The following KDM1A variants were observed in gnomAD, a reference collection of about 807,000 sequenced individuals.
The protein encoded by KDM1A is lysine demethylase 1A.
In KDM1A, 49 loss-of-function variants were observed where a neutral mutation model predicts 109.4. That is an observed-to-expected ratio of 0.45 (90% CI 0.36 to 0.57). The LOEUF (loss-of-function observed/expected upper bound fraction) is 0.57. Among genes scored for constraint, KDM1A ranks in the 20% least tolerant of loss-of-function variants. KDM1A has a pLI of 0.00. For missense variants in KDM1A, 668 were observed against 1,116.6 expected (o/e 0.60, Z 5.73); for synonymous variants, 380 against 415.4 (o/e 0.91, Z 1.04).
chr1:23,082,001 C>CGT, intron 19 of KDM1A: 1 of 509,656 alleles, frequency 2.0e-6, no homozygotes, highest in Non-Finnish European at 3.5e-6. Context: ...TCTCTGGATT[C>CGT]ATAGACAGGA....
chr1:23,021,492 G>A (rs1009862571), intron 1 of KDM1A, among the ~76,000 whole-genome samples: 1 of 152,000 alleles, frequency 6.6e-6, no homozygotes, highest in Non-Finnish European at 1.5e-5. Context: ...TGAAACCCCC[G>A]TCTCTACTAA....
chr1:23,078,331 G>A (rs1643525070), intron 16 of KDM1A, among the ~76,000 whole-genome samples: 1 of 152,134 alleles, frequency 6.6e-6, no homozygotes, highest in Non-Finnish European at 1.5e-5. Context: ...CATAGAAAAT[G>A]AGCATGTACT....
intron 7 of KDM1A, 141 bp from the exon 8 acceptor site, chr1:23,057,343 C>T: frequency 1.6e-6 from 1 of 635,170 alleles, no homozygotes; most frequent in African/African-American, 1.8e-5. Flanking sequence ...TTCTTTGTGC[C>T]CATAGTACTG....
At chr1:23,020,048 C>T in intron 1 of KDM1A, 101 bp downstream of exon 1, 1 of 1,225,046 alleles carries the variant, frequency 8.2e-7, no homozygotes, top group Non-Finnish European at 1.1e-6. Context: ...GCCCTGCGAC[C>T]ACTCAGACCT....
chr1:23,028,427 G>A (rs1047730720), intron 1 of KDM1A, among the ~76,000 whole-genome samples: 1 of 152,192 alleles, frequency 6.6e-6, no homozygotes, highest in African/African-American at 2.4e-5. Flanking sequence ...CTCCTTCAAA[G>A]GGCATAGTAT....
Position 23,083,408 on chromosome 1 carries a change from C to A in KDM1A, c.*44C>A. ...GAAGAGGCCCATGTGCCTGTTTCTG[C>A]CATGTAAGGAAGGCTCTTCTAGCAA... On this transcript the variant is annotated 3_prime_UTR_variant, in exon 21 of 21. Transcript: ENST00000400181. The A allele has an allele frequency of 6.4e-7, 1 of 1,557,428 alleles. No homozygotes were observed. The highest frequency in any genetic ancestry group is 8.7e-7 in the Non-Finnish European group (1 of 1,145,616).
rs925678825 is a variant in KDM1A at position 23,079,802 on chromosome 1, T to A, written c.2170+135T>A. Reference sequence around the variant, plus strand: ...AACAAACAATTCCTGAAATACCTTCTAGGTACTGGGGTATAAAAATACCTG... The same window carrying A: ...AACAAACAATTCCTGAAATACCTTCAAGGTACTGGGGTATAAAAATACCTG... On this transcript the variant is annotated intron_variant, in intron 18 of 20. Coordinates refer to ENST00000400181, the MANE Select transcript of KDM1A (RefSeq NM_001009999.3). This position sits in a 1 kb window ranked among gnomAD's most constrained non-coding sequence, Gnocchi z 5.6. 7 of 533,652 alleles carry A rather than the reference T, an allele frequency of 1.3e-5. No homozygotes were observed. Among genetic ancestry groups the A allele is most frequent in the African/African-American group, 1.2e-4 (6 of 51,054 alleles). The allele number at this position is 533,652 out of a possible 1,614,324, so 33.1% of individuals were successfully genotyped here.
chr1:23,028,688 C>T (rs1641885830), intron 1 of KDM1A, among the ~76,000 whole-genome samples: 1 of 152,092 alleles, frequency 6.6e-6, no homozygotes, highest in African/African-American at 2.4e-5. Flanking sequence ...TGACTTCTCT[C>T]CCCCTTTGAA....
chr1:23,035,629 T>A (rs1218838233), intron 2 of KDM1A, among the ~76,000 whole-genome samples: 1 of 152,200 alleles, frequency 6.6e-6, no homozygotes, highest in Non-Finnish European at 1.5e-5. Flanking sequence ...AAATATTTTT[T>A]AAATTTACCT....
Position 23,050,426 on chromosome 1 carries a change from A to C in KDM1A, c.617A>C (p.Asp206Ala). 1 of 1,613,600 alleles carries C rather than the reference A, an allele frequency of 6.2e-7. No individual in the cohort carries two copies. Among genetic ancestry groups the C allele is most frequent in the Non-Finnish European group, 8.5e-7 (1 of 1,179,740 alleles). The stretch of plus-strand genomic sequence containing the variant: ...GCTTTCCAGAGCCGACTTCCTCATG[A>C]CCGGATGACTTCTCAAGAAGCAGCC... ...GAAFQSRLPH[D>A]RMTSQEAACF... Residue 206 changes from aspartate (D) to alanine (A), a missense_variant, in exon 4 of 21, where the codon GAC (aspartate) becomes GCC (alanine). Asp to Ala is a moderately radical substitution (Grantham distance 126). Transcript: ENST00000400181.
chr1:23,024,371 G>A (rs1421685566), intron 1 of KDM1A, among the ~76,000 whole-genome samples: 1 of 152,198 alleles, frequency 6.6e-6, no homozygotes, highest in African/African-American at 2.4e-5. Flanking sequence ...TAAAAAGCAA[G>A]CTGAGGCCAG....
chr1:23,069,620 C>T (rs1477949235), intron 12 of KDM1A, among the ~76,000 whole-genome samples: 1 of 152,218 alleles, frequency 6.6e-6, no homozygotes, highest in Non-Finnish European at 1.5e-5. Context: ...TATTCTAAAG[C>T]TATCCCAGTG....
intron 1 of KDM1A, among the ~76,000 whole-genome samples, chr1:23,024,674 C>G (rs1469985577): frequency 6.6e-6 from 1 of 152,152 alleles, no homozygotes; most frequent in Non-Finnish European, 1.5e-5. Flanking sequence ...TCACGAACAC[C>G]ATACTCCTTT....
intron 16 of KDM1A, 67 bp from the exon 17 acceptor site, chr1:23,078,923 A>C: frequency 2.3e-6 from 3 of 1,294,796 alleles, no homozygotes; most frequent in Non-Finnish European, 3.3e-6. Flanking sequence ...GTTGTACACT[A>C]AATGTTCAGT....
rs763636296 is a variant in KDM1A, at chr1:23,077,985, A to C, written c.1867+625A>C. On this transcript the variant is annotated intron_variant, in intron 16 of 20. Coordinates refer to ENST00000400181, the MANE Select transcript of KDM1A (RefSeq NM_001009999.3). ...ATTATTATTGCTGGTTTCAGGCTAC[A>C]TTTGATGTAAAGTGCAGACAACTGT... is the stretch of plus-strand genomic sequence containing the variant. 7.4e-4 allele frequency among the ~76,000 whole-genome samples: 113 copies of C among 152,290 alleles called. 1 individual carries two copies. The highest frequency in any genetic ancestry group is 4.3e-4 in the Non-Finnish European group (29 of 68,026).
chr1:23,047,834 T>C (rs933378805), intron 3 of KDM1A, among the ~76,000 whole-genome samples: 1 of 151,786 alleles, frequency 6.6e-6, no homozygotes, highest in Non-Finnish European at 1.5e-5. Flanking sequence ...GAGGTGAAGG[T>C]TGCAGTGTGA....
intron 2 of KDM1A, among the ~76,000 whole-genome samples, chr1:23,033,434 A>C (rs956413150): frequency 6.6e-6 from 1 of 152,020 alleles, no homozygotes; most frequent in Non-Finnish European, 1.5e-5. Flanking sequence ...AGGCAGGAGA[A>C]TTGCTTGAAC....
chr1:23,031,079 G>A (rs558567771), intron 2 of KDM1A, among the ~76,000 whole-genome samples: 1 of 152,268 alleles, frequency 6.6e-6, no homozygotes, highest in Non-Finnish European at 1.5e-5. Context: ...AAACTTCCAC[G>A]GTGTGGATCG....
At chr1:23,071,380 T>C in intron 13 of KDM1A, 21 bp downstream of exon 13, 3 of 1,569,644 alleles carry the variant, frequency 1.9e-6, no homozygotes, top group African/African-American at 1.4e-5. Context: ...CATACATGCC[T>C]AACTGGTTTT....
Sources: gnomAD v4.1 joint callset for allele counts (sites outside exome capture counted in the v4.1 genomes callset) on GRCh38, gnomAD v4.1.1 for gene constraint, Gnocchi (gnomAD v3.1) non-coding constraint, MANE v1.5 for transcripts, NCBI Gene and HGNC (gene_info 2026-07-23, HGNC 2026-07-21) for gene names.